The following TBPL2 variants were observed in gnomAD, a reference collection of about 807,000 sequenced individuals.
TBPL2 encodes TATA box-binding protein-like 2.
A neutral mutation model predicts 38.2 loss-of-function variants in TBPL2; 40 were observed. The ratio of observed to expected loss-of-function variants is 1.05; its 90% CI spans 0.81 to 1.36. TBPL2 has a LOEUF of 1.36. Among genes scored for constraint, TBPL2 ranks in the 40% most tolerant of loss-of-function variants. TBPL2 has a pLI of 0.00. For missense variants in TBPL2, 461 were observed against 456.7 expected (o/e 1.01, Z -0.09); for synonymous variants, 169 against 171.7 (o/e 0.98, Z 0.12).
At chr14:55,433,821 T>C in intron 3 of TBPL2, 100 bp from the exon 4 acceptor site, 1 of 1,009,666 alleles carries the variant, frequency 9.9e-7, no homozygotes, top group Non-Finnish European at 1.5e-6. Flanking sequence ...ACAGATTGGA[T>C]GGGAAAACTA....
At chr14:55,440,505 A>G (rs763000999) in exon 1 of TBPL2, 2 of 1,611,976 alleles carry the variant, frequency 1.2e-6, no homozygotes, top group African/African-American at 1.3e-5. Flanking sequence ...GCGCGGAGCG[A>G]GCAGCCTCGG....
intron 5 of TBPL2, among the ~76,000 whole-genome samples, chr14:55,428,087 C>A (rs1885857820): frequency 6.8e-6 from 1 of 146,616 alleles, no homozygotes; most frequent in African/African-American, 2.6e-5. Flanking sequence ...CAAGCCCCTT[C>A]CTACCGGCCT....
chr14:55,440,392 T>C lies in TBPL2; in HGVS notation c.150+4A>G, dbSNP rs749963570. On this transcript the variant is annotated splice_donor_region_variant and intron_variant, in intron 1 of 6. Transcript: ENST00000247219. ...TGACTCTGGGACAGTGGCGGCAGCC[T>C]CACCTGAGCGGCGCACTGGTCCAGG... The C allele has an allele frequency of 3.1e-6, 5 of 1,612,878 alleles. No homozygotes were observed. The South Asian group carries it at 5.5e-5, about 18-fold the overall frequency.
At chr14:55,432,281 T>C (rs1408452600) in intron 4 of TBPL2, among the ~76,000 whole-genome samples, 2 of 146,952 alleles carry the variant, frequency 1.4e-5, no homozygotes, top group East Asian at 3.9e-4. Context: ...GGCCTGGTGG[T>C]GCATACCTGT....
chr14:55,418,176 A>C (rs1327500049), intron 6 of TBPL2, among the ~76,000 whole-genome samples: 2 of 152,208 alleles, frequency 1.3e-5, no homozygotes, highest in African/African-American at 4.8e-5. Context: ...TAATTTATTT[A>C]TGTCTGTCTC....
chr14:55,416,371 C>T (rs1298011468), intron 6 of TBPL2, among the ~76,000 whole-genome samples: 1 of 152,026 alleles, frequency 6.6e-6, no homozygotes, highest in Non-Finnish European at 1.5e-5. Context: ...GTGGGAGGAT[C>T]CCTTGAGCCC....
intron 2 of TBPL2, among the ~76,000 whole-genome samples, 155 bp downstream of exon 2, chr14:55,436,406 G>C (rs1048513646): frequency 6.6e-6 from 1 of 152,110 alleles, no homozygotes; most frequent in Non-Finnish European, 1.5e-5. Context: ...TAATCAAACT[G>C]TCTAAAGCCA....
At chr14:55,429,314 C>T (rs1393387326) in intron 4 of TBPL2, among the ~76,000 whole-genome samples, 1 of 152,254 alleles carries the variant, frequency 6.6e-6, no homozygotes, top group Non-Finnish European at 1.5e-5. Context: ...CACCTGGGAA[C>T]TTGTTAGAAA....
At position 55,428,933 on chromosome 14, in the gene TBPL2, A is replaced by G. The variant is rs752917196; in HGVS notation, c.830T>C (p.Val277Ala). The G allele has an allele frequency of 9.9e-6, 16 of 1,614,168 alleles. 1 individual carries two copies. The highest frequency in any genetic ancestry group is 1.4e-5 in the Non-Finnish European group (16 of 1,180,020). ...GGCAGGGAACCCAAGCTTCTGCACC[A>G]CACGAGCATATTTTCTTGCTGCAAG... Residue 277 changes from valine (V) to alanine (A), a missense_variant, in exon 5 of 7, where the codon GTG becomes GCG. Transcript: ENST00000247219.
At chr14:55,433,948 G>C (rs188901857) in intron 3 of TBPL2, among the ~76,000 whole-genome samples, 37 of 152,226 alleles carry the variant, frequency 2.4e-4, no homozygotes, top group African/African-American at 8.9e-4. Context: ...TGCCTGTTAT[G>C]TTTCAGTTCC....
intron 6 of TBPL2, among the ~76,000 whole-genome samples, chr14:55,422,074 T>C (rs1484643597): frequency 2.0e-5 from 3 of 152,120 alleles, no homozygotes; most frequent in African/African-American, 4.8e-5. Context: ...ATAAAGGCAA[T>C]AGGATTATAA....
intron 4 of TBPL2, among the ~76,000 whole-genome samples, chr14:55,430,994 G>A (rs528097395): frequency 1.3e-5 from 2 of 152,314 alleles, no homozygotes; most frequent in Non-Finnish European, 2.9e-5. Context: ...ATAGTTGAAA[G>A]TCTATATACA....
chr14:55,434,115 A>C (rs1333906851), intron 3 of TBPL2, among the ~76,000 whole-genome samples: 2 of 152,244 alleles, frequency 1.3e-5, no homozygotes, highest in Non-Finnish European at 2.9e-5. Flanking sequence ...ACTTTGACAC[A>C]CTTCCTTTTT....
chr14:55,414,263 T>C, exon 7 of TBPL2: 6 of 777,968 alleles, frequency 7.7e-6, no homozygotes, highest in Middle Eastern at 2.5e-4. Flanking sequence ...GAGTCGCCCT[T>C]TAATAAGTAA....
At chr14:55,423,092 TATGTC>T (rs1246667701) in intron 6 of TBPL2, among the ~76,000 whole-genome samples, 1 of 152,158 alleles carries the variant, frequency 6.6e-6, no homozygotes, top group African/African-American at 2.4e-5. Context: ...AAGGATAAGT[TATGTC>T]ATGTACATAT....
intron 6 of TBPL2, among the ~76,000 whole-genome samples, chr14:55,420,141 G>GC (rs781241343): frequency 1.3e-5 from 2 of 152,152 alleles, no homozygotes; most frequent in Non-Finnish European, 2.9e-5. Context: ...CACGATCTCG[G>GC]CTCACTGCAA....
At chr14:55,422,096 T>C (rs1885753616) in intron 6 of TBPL2, among the ~76,000 whole-genome samples, 2 of 152,264 alleles carry the variant, frequency 1.3e-5, no homozygotes, top group South Asian at 4.1e-4. Context: ...AGGATAAACC[T>C]AGAGCAAAGG....
intron 2 of TBPL2, 128 bp downstream of exon 2, chr14:55,436,433 G>T: frequency 1.1e-6 from 1 of 900,282 alleles, no homozygotes; most frequent in South Asian, 1.8e-5. Context: ...ATTTAGAACT[G>T]ATAAAACAAA....
At chr14:55,420,574 G>A (rs538002127) in intron 6 of TBPL2, among the ~76,000 whole-genome samples, 1 of 152,282 alleles carries the variant, frequency 6.6e-6, no homozygotes, top group East Asian at 1.9e-4. Context: ...AGTATAAGCA[G>A]AATTTGGATT....
Sources: gnomAD v4.1 joint callset for allele counts (sites outside exome capture counted in the v4.1 genomes callset) on GRCh38, gnomAD v4.1.1 for gene constraint, MANE v1.5 for transcripts, NCBI Gene and HGNC (gene_info 2026-07-23, HGNC 2026-07-21) for gene names.